The following KLRF1 variants were observed in gnomAD, a reference collection of about 807,000 sequenced individuals.
The protein encoded by KLRF1 is killer cell lectin-like receptor subfamily F member 1.
Under a neutral mutation model 30.7 loss-of-function variants are expected in KLRF1, and 27 were observed. That is an observed-to-expected ratio of 0.88 (90% confidence interval 0.65 to 1.21). The LOEUF is 1.21. Among genes scored for constraint, KLRF1 ranks in the 50% most tolerant of loss-of-function variants. The pLI is 0.00. For synonymous variants in KLRF1, 92 were observed against 89.3 expected (o/e 1.03, Z -0.17); for missense variants, 246 against 259.3 (o/e 0.95, Z 0.35).
chr12:9,843,717 C>A (rs2136969517), intron 5 of KLRF1, among the ~76,000 whole-genome samples: 1 of 152,170 alleles, frequency 6.6e-6, no homozygotes, highest in Admixed American at 6.5e-5. Context: ...ATGTTCAATA[C>A]AAAATTTAAA....
chr12:9,808,667 A>G, the KLRF1 span, among the ~76,000 whole-genome samples: 1 of 152,164 alleles, frequency 6.6e-6, no homozygotes, highest in Non-Finnish European at 1.5e-5. Context: ...CGTTTGAATC[A>G]AAGAGCTTTA....
chr12:9,821,302 C>A, the KLRF1 span, among the ~76,000 whole-genome samples: 2 of 152,218 alleles, frequency 1.3e-5, no homozygotes, highest in East Asian at 3.9e-4. Context: ...CATGAGACCC[C>A]CAGGGGCAAC....
the KLRF1 span, among the ~76,000 whole-genome samples, chr12:9,812,453 G>A: frequency 6.6e-6 from 1 of 151,986 alleles, no homozygotes; most frequent in South Asian, 2.1e-4. Flanking sequence ...AGGACAGCAA[G>A]GCTGGGGAGA....
intron 5 of KLRF1, 128 bp downstream of exon 5, chr12:9,842,561 G>A (rs1261474951): frequency 6.8e-6 from 5 of 739,322 alleles, no homozygotes; most frequent in African/African-American, 3.6e-5. Flanking sequence ...AATTAATTTA[G>A]TATTTACAGG....
the KLRF1 span, among the ~76,000 whole-genome samples, chr12:9,808,693 A>C: frequency 2.5e-4 from 38 of 152,300 alleles, no homozygotes; most frequent in Admixed American, 6.5e-4. Flanking sequence ...GAGTTGGCAG[A>C]GTGCAATATT....
chr12:9,828,057 A>C (rs1040996738), intron 1 of KLRF1, among the ~76,000 whole-genome samples: 3 of 151,978 alleles, frequency 2.0e-5, no homozygotes, highest in African/African-American at 7.3e-5. Flanking sequence ...CCTCCTTATC[A>C]TTCATAGAAT....
chr12:9,834,940 A>C (rs1867537618), intron 3 of KLRF1, among the ~76,000 whole-genome samples: 1 of 152,098 alleles, frequency 6.6e-6, no homozygotes, highest in African/African-American at 2.4e-5. Context: ...TTGGGCCTGG[A>C]GGACTGATAA....
upstream of KLRF1, among the ~76,000 whole-genome samples, chr12:9,825,181 GAAC>G (rs1335322081): frequency 6.8e-6 from 1 of 147,684 alleles, no homozygotes; most frequent in Non-Finnish European, 1.5e-5. Flanking sequence ...TAAGCAAAAA[GAAC>G]AACACTGGAG....
rs780234508 is a variant in KLRF1, at chr12:9,833,420, A to ACCTTT, written c.303_307dup (p.Cys103SerfsTer32). The ACCTTT allele has an allele frequency of 3.1e-6, 5 of 1,610,626 alleles. No individual in the cohort carries two copies. In the East Asian group the frequency reaches 1.1e-4, roughly 36 times the overall value. On this transcript the variant is annotated frameshift_variant, in exon 3 of 6. Coordinates refer to ENST00000617889, the MANE Select transcript of KLRF1 (RefSeq NM_016523.3). LOFTEE classifies it high-confidence loss of function. ...ACAAGAAGAAATATAAGTAATAAGGACCTTTGTGCTTCGAGATCTGCAGAC... is the reference window on the plus strand; with the variant it reads ...ACAAGAAGAAATATAAGTAATAAGGACCTTTCCTTTGTGCTTCGAGATCTGCAGAC...
At chr12:9,823,794 G>C (rs1867252550), upstream of KLRF1, among the ~76,000 whole-genome samples, 1 of 151,676 alleles carries the variant, frequency 6.6e-6, no homozygotes, top group Non-Finnish European at 1.5e-5. Flanking sequence ...AACTACAATG[G>C]GGATGGTACC....
intron 4 of KLRF1, 24 bp downstream of exon 4, chr12:9,841,975 A>G (rs762889631): frequency 2.5e-6 from 4 of 1,586,414 alleles, no homozygotes; most frequent in Non-Finnish European, 3.4e-6. Flanking sequence ...TATCAGGGTT[A>G]TGGCATCTTT....
At chr12:9,842,569 A>G (rs900384619) in intron 5 of KLRF1, 136 bp downstream of exon 5, 6 of 677,284 alleles carry the variant, frequency 8.9e-6, no homozygotes, top group Non-Finnish European at 1.1e-5. Context: ...TAGTATTTAC[A>G]GGAGTAATGA....
chr12:9,841,798 A>G lies in KLRF1; in HGVS notation c.335-14A>G, dbSNP rs1867707533. 3.8e-6 allele frequency: 6 copies of G among 1,582,828 alleles called. No individual in the cohort carries two copies. Among genetic ancestry groups the G allele is most frequent in the Non-Finnish European group, 5.1e-6 (6 of 1,165,338 alleles). On this transcript the variant is annotated splice_polypyrimidine_tract_variant and intron_variant, in intron 3 of 5. Transcript: ENST00000617889. ...GTAATTTAATTTCATTTTGTTTTCT[A>G]CATTTCTCTGTAGTACTATGCCAAT...
intron 5 of KLRF1, among the ~76,000 whole-genome samples, chr12:9,843,163 A>G (rs2121243572): frequency 6.6e-6 from 1 of 152,310 alleles, no homozygotes; most frequent in South Asian, 2.1e-4. Flanking sequence ...AATTAGAGTC[A>G]TATTGGGAGA....
chr12:9,833,583 A>ATTTT lies in KLRF1; in HGVS notation c.334+131_334+132insTTTT, dbSNP rs1460475408. The ATTTT allele has an allele frequency of 7.7e-5, 55 of 715,434 alleles. No individual in the cohort carries two copies. In the African/African-American group the frequency reaches 1.0e-3, roughly 13 times the overall value. The allele number at this position is 715,434 out of a possible 1,614,324, so 44.3% of individuals were successfully genotyped here. ...TTGGTATAAGTCTACTTTTCATTCA[A>ATTTT]AACTCGATTTAGGTATCTTTAAACT... is the stretch of plus-strand genomic sequence containing the variant. On this transcript the variant is annotated intron_variant, in intron 3 of 5. Coordinates refer to ENST00000617889, the MANE Select transcript of KLRF1 (RefSeq NM_016523.3).
chr12:9,833,754 T>C (rs1304589437), intron 3 of KLRF1, among the ~76,000 whole-genome samples: 4 of 152,132 alleles, frequency 2.6e-5, no homozygotes, highest in Admixed American at 2.6e-4. Context: ...TTGTCACTTA[T>C]TTATTCTTCT....
chr12:9,820,667 A>T, the KLRF1 span, among the ~76,000 whole-genome samples: 1 of 151,948 alleles, frequency 6.6e-6, no homozygotes, highest in Admixed American at 6.6e-5. Context: ...TGGACATGGT[A>T]CTGCAGCACA....
chr12:9,818,422 T>C, the KLRF1 span, among the ~76,000 whole-genome samples: 2 of 152,250 alleles, frequency 1.3e-5, no homozygotes, highest in African/African-American at 4.8e-5. Flanking sequence ...TCTATAGGCA[T>C]GAACTGATTG....
chr12:9,819,661 G>A, the KLRF1 span, among the ~76,000 whole-genome samples: 1 of 151,972 alleles, frequency 6.6e-6, no homozygotes, highest in Non-Finnish European at 1.5e-5. Context: ...TCTGGGATGG[G>A]GTTTCCAGAG....
Sources: allele counts gnomAD v4.1 joint callset (sites outside exome capture counted in the v4.1 genomes callset), GRCh38; gene constraint gnomAD v4.1.1; transcripts MANE v1.5; gene names NCBI Gene and HGNC (gene_info 2026-07-23, HGNC 2026-07-21).